Variants in MIGA1 observed in about 807,000 individuals in gnomAD.
MIGA1 encodes family with sequence similarity 73, member A.
MIGA1 carries 58 observed loss-of-function variants against 82.0 expected under a neutral mutation model. The ratio of observed to expected loss-of-function variants is 0.71; its 90% CI spans 0.57 to 0.88. MIGA1 has a LOEUF of 0.88. Ranked by LOEUF, MIGA1 falls within the 40% of genes least tolerant of loss-of-function variation. The probability of loss-of-function intolerance (pLI) is 0.00; values close to 1 mark genes in which losing one functional copy is unlikely to be tolerated. For synonymous variants in MIGA1, 249 were observed against 253.6 expected (o/e 0.98, Z 0.17); for missense variants, 751 against 749.1 (o/e 1.00, Z -0.03).
intron 12 of MIGA1, among the ~76,000 whole-genome samples, chr1:77,862,473 T>A (rs1685496443): frequency 6.7e-6 from 1 of 150,034 alleles, no homozygotes; most frequent in Admixed American, 6.6e-5. Flanking sequence ...TAGATATCGG[T>A]CCGGCATGGT....
At chr1:77,787,347 A>T (rs151181972) in intron 2 of MIGA1, among the ~76,000 whole-genome samples, 2,417 of 149,676 alleles carry the variant, frequency 0.016, 28 homozygotes, top group Middle Eastern at 0.031. Context: ...GACCATTTAT[A>T]TGTATCCTTT....
intron 7 of MIGA1, among the ~76,000 whole-genome samples, chr1:77,834,958 A>G (rs1028330274): frequency 1.3e-5 from 2 of 152,224 alleles, no homozygotes; most frequent in African/African-American, 4.8e-5. Flanking sequence ...CTCCTGTTAT[A>G]AAATCTGCAG....
At chr1:77,811,170 C>G in intron 5 of MIGA1, 1 of 1,522,248 alleles carries the variant, frequency 6.6e-7, no homozygotes, top group South Asian at 1.1e-5. Context: ...GAGTATCTTG[C>G]ACAGGAGTTA....
At chr1:77,810,945 G>T in intron 5 of MIGA1, 1 of 1,611,954 alleles carries the variant, frequency 6.2e-7, no homozygotes, top group Non-Finnish European at 8.5e-7. Flanking sequence ...TAAAGTCAGT[G>T]GGTTTCTTGT....
chr1:77,856,995 T>G (rs1357718109), intron 8 of MIGA1, among the ~76,000 whole-genome samples: 1 of 152,210 alleles, frequency 6.6e-6, no homozygotes, highest in Non-Finnish European at 1.5e-5. Context: ...TTTCAGACTT[T>G]TTGATGTAGG....
At chr1:77,833,285 A>G (rs1036847412) in intron 7 of MIGA1, among the ~76,000 whole-genome samples, 3 of 152,222 alleles carry the variant, frequency 2.0e-5, no homozygotes, top group Non-Finnish European at 4.4e-5. Flanking sequence ...CAGAGTACAC[A>G]TTGTACAACA....
chr1:77,826,971 A>G (rs1295939495), intron 7 of MIGA1, among the ~76,000 whole-genome samples: 2 of 147,716 alleles, frequency 1.4e-5, no homozygotes, highest in Non-Finnish European at 3.0e-5. Context: ...CGCCCAGCTA[A>G]TTTTTTTGTA....
intron 5 of MIGA1, among the ~76,000 whole-genome samples, chr1:77,808,064 C>T (rs565138492): frequency 2.8e-4 from 43 of 151,900 alleles, no homozygotes; most frequent in Non-Finnish European, 5.1e-4. Flanking sequence ...AGTTGATTTA[C>T]CCGCCTCGGT....
intron 4 of MIGA1, among the ~76,000 whole-genome samples, chr1:77,806,307 G>T (rs561060056): frequency 1.3e-5 from 2 of 152,108 alleles, no homozygotes; most frequent in Non-Finnish European, 2.9e-5. Context: ...GTAATCTTAC[G>T]GTAGGGTTGA....
intron 7 of MIGA1, among the ~76,000 whole-genome samples, chr1:77,841,502 T>C (rs1028426620): frequency 1.3e-5 from 2 of 150,942 alleles, no homozygotes; most frequent in African/African-American, 4.9e-5. Flanking sequence ...CAAGTAGAGC[T>C]TGGAATATAA....
At chr1:77,814,635 G>A (rs1052146755) in intron 6 of MIGA1, among the ~76,000 whole-genome samples, 2 of 152,182 alleles carry the variant, frequency 1.3e-5, no homozygotes, top group African/African-American at 4.8e-5. Flanking sequence ...TCACATAAAG[G>A]TGTAGAGCTA....
At chr1:77,869,192 G>C (rs567709122) in intron 14 of MIGA1, among the ~76,000 whole-genome samples, 1 of 142,796 alleles carries the variant, frequency 7.0e-6, no homozygotes, top group Non-Finnish European at 1.5e-5. Flanking sequence ...AGCACATCTT[G>C]CACCGCCCTT....
In MIGA1 at chr1:77,847,808, C is replaced by T; in HGVS notation, c.996+4401C>T. The T allele has an allele frequency of 1.9e-6, 3 of 1,602,960 alleles. No homozygotes were observed. In the South Asian group the frequency reaches 3.3e-5, roughly 18 times the overall value. On this transcript the variant is annotated intron_variant, in intron 8 of 15. Transcript: ENST00000370791. ...ACTCTGATGAAGTAAGTTCAAAAAA[C>T]GGAATACCACAAGAGAAATGCATTC... is the stretch of plus-strand genomic sequence containing the variant.
At chr1:77,782,050 C>G (rs1435531993) in intron 1 of MIGA1, among the ~76,000 whole-genome samples, 3 of 151,772 alleles carry the variant, frequency 2.0e-5, no homozygotes, top group Non-Finnish European at 4.4e-5. Context: ...TCTCGAACTC[C>G]TGGGTTCATG....
At chr1:77,811,756 A>T in intron 5 of MIGA1, 1 of 1,605,536 alleles carries the variant, frequency 6.2e-7, no homozygotes, top group South Asian at 1.1e-5. Context: ...CCAGCGCTGC[A>T]GCAGACTCCG....
At chr1:77,780,065 A>G (rs1358584089) in intron 1 of MIGA1, 13 of 1,079,246 alleles carry the variant, frequency 1.2e-5, no homozygotes, top group African/African-American at 1.7e-5. Context: ...GCTCTGAGCC[A>G]GAGGAAGGGT....
At chr1:77,799,954 T>C (rs1348940905) in intron 2 of MIGA1, among the ~76,000 whole-genome samples, 1 of 152,176 alleles carries the variant, frequency 6.6e-6, no homozygotes, top group Non-Finnish European at 1.5e-5. Flanking sequence ...TACTTCTTTT[T>C]CTAGAATCTT....
intron 2 of MIGA1, among the ~76,000 whole-genome samples, chr1:77,786,303 A>T (rs1682159736): frequency 6.6e-6 from 1 of 152,148 alleles, no homozygotes. Flanking sequence ...TGGTGATGGG[A>T]GGGGCTGCCG....
rs533253678 is a variant in MIGA1, at chr1:77,825,691, GTTATGT to G, written c.895+10471_895+10476del. On this transcript the variant is annotated intron_variant, in intron 7 of 15. Transcript: ENST00000370791. ...CTTCTAGCTAAAAGTATCTGGAAGT[GTTATGT>G]TTATGTTTATTTGTAGCTTCTATTT... 3.5e-4 allele frequency among the ~76,000 whole-genome samples: 53 copies of G among 152,210 alleles called. 2 individuals are homozygous for G. The South Asian group carries it at 0.01, about 30-fold the overall frequency.
Sources: allele counts gnomAD v4.1 joint callset (sites outside exome capture counted in the v4.1 genomes callset), GRCh38; gene constraint gnomAD v4.1.1; transcripts MANE v1.5; gene names NCBI Gene and HGNC (gene_info 2026-07-23, HGNC 2026-07-21).